The following PDE1C variants were observed in gnomAD, a reference collection of about 807,000 sequenced individuals.
PDE1C encodes dual specificity calcium/calmodulin-dependent 3',5'-cyclic nucleotide phosphodiesterase 1C.
A neutral mutation model predicts 93.1 loss-of-function variants in PDE1C; 62 were observed. The ratio of observed to expected loss-of-function variants is 0.67; its 90% CI spans 0.54 to 0.82. The LOEUF (loss-of-function observed/expected upper bound fraction) is 0.82, where lower values mean the gene tolerates loss of function less well. Ranked by LOEUF, PDE1C falls within the 40% of genes least tolerant of loss-of-function variation. The probability of loss-of-function intolerance (pLI) is 0.00; values close to 1 mark genes in which losing one functional copy is unlikely to be tolerated. For missense variants in PDE1C, 742 were observed against 884.6 expected (o/e 0.84, Z 2.04); for synonymous variants, 325 against 310.1 (o/e 1.05, Z -0.50).
chr7:32,386,594 TCCTACACC>T, intron 1 of PDE1C, among the ~76,000 whole-genome samples: 1 of 129,708 alleles, frequency 7.7e-6, no homozygotes, highest in Non-Finnish European at 1.6e-5. Flanking sequence ...CCACATTTTT[TCCTACACC>T]CTACATTATT....
At chr7:32,056,327 T>TCTCC (rs1794077748) in intron 1 of PDE1C, among the ~76,000 whole-genome samples, 1 of 101,744 alleles carries the variant, frequency 9.8e-6, no homozygotes, top group African/African-American at 4.3e-5. Context: ...CCGTTCTCTC[T>TCTCC]CTCTCTCTCT....
chr7:32,293,945 T>A (rs980845679), intron 1 of PDE1C, among the ~76,000 whole-genome samples: 1 of 151,818 alleles, frequency 6.6e-6, no homozygotes, highest in Admixed American at 6.6e-5. Context: ...CAGAGACCAG[T>A]CTGGGCTCAG....
At chr7:31,835,338 C>G (rs1790927538) in intron 11 of PDE1C, among the ~76,000 whole-genome samples, 2 of 152,052 alleles carry the variant, frequency 1.3e-5, no homozygotes, top group Admixed American at 6.5e-5. Context: ...GGAAAAATAG[C>G]TCAAAAGAAG....
intron 16 of PDE1C, among the ~76,000 whole-genome samples, chr7:31,800,550 G>T (rs1195669385): frequency 6.6e-6 from 1 of 151,442 alleles, no homozygotes; most frequent in African/African-American, 2.4e-5. Context: ...CCATACACAT[G>T]TAGATCTATT....
chr7:31,723,140 C>G, the PDE1C span, among the ~76,000 whole-genome samples: 2 of 152,164 alleles, frequency 1.3e-5, no homozygotes, highest in Non-Finnish European at 2.9e-5. Flanking sequence ...CCACCAACAT[C>G]CTCAATTTCC....
At chr7:31,642,812 C>G in the PDE1C span, 2 of 1,613,796 alleles carry the variant, frequency 1.2e-6, no homozygotes, top group East Asian at 2.2e-5. Flanking sequence ...AAAAGTAGGG[C>G]GAGCATGTCT....
intron 1 of PDE1C, among the ~76,000 whole-genome samples, chr7:32,327,484 C>T (rs949759063): frequency 3.3e-5 from 5 of 152,074 alleles, no homozygotes; most frequent in Non-Finnish European, 7.4e-5. Flanking sequence ...TTCTCTATTT[C>T]AAAATTATAT....
At chr7:32,152,808 T>C (rs968947563) in intron 3 of PDE1C, among the ~76,000 whole-genome samples, 1 of 152,056 alleles carries the variant, frequency 6.6e-6, no homozygotes, top group Non-Finnish European at 1.5e-5. Flanking sequence ...CATGGCAAAA[T>C]GACTAAGGTA....
At chr7:31,939,866 A>G (rs1457365379) in intron 2 of PDE1C, among the ~76,000 whole-genome samples, 1 of 152,190 alleles carries the variant, frequency 6.6e-6, no homozygotes, top group Non-Finnish European at 1.5e-5. Flanking sequence ...AAAGCAGTAC[A>G]GTCAGGGCCA....
intron 1 of PDE1C, among the ~76,000 whole-genome samples, chr7:32,240,670 G>C (rs1251458744): frequency 1.3e-5 from 2 of 152,124 alleles, no homozygotes; most frequent in African/African-American, 2.4e-5. Context: ...CTGAATGAGA[G>C]AGCTAGGAAC....
upstream of PDE1C, among the ~76,000 whole-genome samples, chr7:32,302,353 A>T (rs1435666142): frequency 1.3e-5 from 2 of 152,212 alleles, no homozygotes; most frequent in Admixed American, 1.3e-4. Flanking sequence ...ATCCCTAATA[A>T]TTGTTTGATC....
chr7:32,322,476 T>C (rs554176709), intron 1 of PDE1C, among the ~76,000 whole-genome samples: 4 of 152,178 alleles, frequency 2.6e-5, no homozygotes, highest in African/African-American at 9.6e-5. Flanking sequence ...TGGTGGTGCA[T>C]ACCTGTAGTC....
chr7:31,811,358 G>T (rs568928596), intron 15 of PDE1C, among the ~76,000 whole-genome samples: 8 of 152,124 alleles, frequency 5.3e-5, no homozygotes, highest in African/African-American at 1.9e-4. Flanking sequence ...TTTATCAGCA[G>T]TGTGAAAACA....
chr7:32,006,937 T>G (rs150596523), intron 2 of PDE1C, among the ~76,000 whole-genome samples: 379 of 152,332 alleles, frequency 2.5e-3, no homozygotes, highest in Non-Finnish European at 4.2e-3. Flanking sequence ...AAGCCCAGCA[T>G]CTGGCATATC....
intron 16 of PDE1C, among the ~76,000 whole-genome samples, chr7:31,801,292 A>C (rs1280705612): frequency 6.6e-6 from 1 of 151,318 alleles, no homozygotes; most frequent in Non-Finnish European, 1.5e-5. Flanking sequence ...AACATTATTA[A>C]AAATTCTACA....
At chr7:31,976,509 T>C (rs564464667) in intron 2 of PDE1C, among the ~76,000 whole-genome samples, 1 of 152,314 alleles carries the variant, frequency 6.6e-6, no homozygotes, top group Non-Finnish European at 1.5e-5. Flanking sequence ...TGATATATGG[T>C]TTCTATTAAA....
chr7:32,038,004 C>A (rs1791332856), intron 2 of PDE1C, among the ~76,000 whole-genome samples: 2 of 152,164 alleles, frequency 1.3e-5, no homozygotes, highest in Non-Finnish European at 2.9e-5. Context: ...ACCACATGGA[C>A]TGACTTTCAT....
intron 1 of PDE1C, among the ~76,000 whole-genome samples, chr7:32,213,327 C>G (rs938851372): frequency 3.3e-5 from 5 of 152,214 alleles, no homozygotes; most frequent in Non-Finnish European, 7.3e-5. Flanking sequence ...TGGATCAACA[C>G]TGAGATGGTC....
intron 2 of PDE1C, among the ~76,000 whole-genome samples, chr7:31,996,761 A>C (rs1320596815): frequency 1.3e-5 from 2 of 152,250 alleles, no homozygotes; most frequent in Admixed American, 1.3e-4. Context: ...TGTTTGAAAA[A>C]TGTTATAGTG....
Sources: allele counts gnomAD v4.1 joint callset (sites outside exome capture counted in the v4.1 genomes callset), GRCh38; gene constraint gnomAD v4.1.1; transcripts MANE v1.5; gene names NCBI Gene and HGNC (gene_info 2026-07-23, HGNC 2026-07-21).